Variants in CTSC observed in about 807,000 individuals in gnomAD.
CTSC encodes dipeptidyl peptidase 1.
A neutral mutation model predicts 40.9 loss-of-function variants in CTSC; 37 were observed. The ratio of observed to expected loss-of-function variants is 0.91; its 90% confidence interval spans 0.70 to 1.19. The LOEUF is 1.19. CTSC is among the 50% of genes most tolerant of loss of function. The probability of loss-of-function intolerance (pLI) is 0.00; values close to 1 mark genes in which losing one functional copy is unlikely to be tolerated. For synonymous variants in CTSC, 232 were observed against 207.4 expected (o/e 1.12, Z -1.02); for missense variants, 594 against 567.3 (o/e 1.05, Z -0.48).
At chr11:88,294,601 G>A in intron 6 of CTSC, 93 bp from the exon 7 acceptor site, 2 of 1,409,144 alleles carry the variant, frequency 1.4e-6, no homozygotes, top group Non-Finnish European at 2.0e-6. Flanking sequence ...TTCTTTGCAT[G>A]TTACCCCTGA....
At chr11:88,327,203 C>G (rs550739382) in intron 2 of CTSC, among the ~76,000 whole-genome samples, 15 of 152,326 alleles carry the variant, frequency 9.8e-5, no homozygotes, top group South Asian at 6.2e-4. Flanking sequence ...ATTGCTGAAG[C>G]TTAACAAGAT....
chr11:88,322,256 C>T (rs1308999189), intron 2 of CTSC: 1 of 152,154 alleles, frequency 6.6e-6, no homozygotes, highest in African/African-American at 2.4e-5. Flanking sequence ...TTAATTAGAT[C>T]TCATTTGCCA....
chr11:88,302,431 G>A (rs913673025), intron 4 of CTSC, among the ~76,000 whole-genome samples: 1 of 152,008 alleles, frequency 6.6e-6, no homozygotes, highest in Non-Finnish European at 1.5e-5. Flanking sequence ...AGACCATCCT[G>A]GCTAACACAG....
intron 2 of CTSC, among the ~76,000 whole-genome samples, chr11:88,312,757 T>A (rs781598041): frequency 7.2e-5 from 11 of 151,874 alleles, no homozygotes; most frequent in Non-Finnish European, 1.0e-4. Context: ...AAACAAAATG[T>A]ATATAACAAA....
Position 88,337,557 on chromosome 11 carries a change from C to A in CTSC, c.116G>T (p.Trp39Leu). ...ACCGCTGGAGCCCACCTGGAAGACCCAGGTGCCCAGCAGGTCAAGATAGGT... is the reference window on the plus strand; with the variant it reads ...ACCGCTGGAGCCCACCTGGAAGACCAAGGTGCCCAGCAGGTCAAGATAGGT... ...NCTYLDLLGTWVFQVGSSGSQ... is the reference protein window; with the variant it reads ...NCTYLDLLGTLVFQVGSSGSQ... Residue 39 changes from tryptophan (W) to leucine (L), a missense_variant, in exon 1 of 7, where the codon TGG (tryptophan) becomes TTG (leucine). By Grantham distance (61) the Trp-to-Leu change is moderately conservative (BLOSUM62 -2). Coordinates refer to ENST00000227266, the MANE Select transcript of CTSC (RefSeq NM_001814.6). 1 of 1,576,904 alleles carries A rather than the reference C, an allele frequency of 6.3e-7. No individual in the cohort carries two copies. The highest frequency in any genetic ancestry group is 2.3e-5 in the East Asian group (1 of 42,772).
At chr11:88,308,056 C>T (rs141828793) in intron 4 of CTSC, among the ~76,000 whole-genome samples, 46 of 152,228 alleles carry the variant, frequency 3.0e-4, no homozygotes, top group Non-Finnish European at 5.3e-4. Context: ...GGAGAGGTAG[C>T]GACGAAAGAG....
chr11:88,336,398 G>A (rs988292219), intron 1 of CTSC, among the ~76,000 whole-genome samples: 3 of 151,810 alleles, frequency 2.0e-5, no homozygotes, highest in Admixed American at 6.6e-5. Context: ...TATTAGCCGG[G>A]CGTGGTGGCA....
At chr11:88,298,613 T>C (rs1319254111) in intron 5 of CTSC, 1 of 152,170 alleles carries the variant, frequency 6.6e-6, no homozygotes, top group Non-Finnish European at 1.5e-5. Flanking sequence ...ACTTACAGTA[T>C]AGAATACCAA....
intron 2 of CTSC, chr11:88,322,990 T>A (rs1011797542): frequency 6.6e-6 from 1 of 152,100 alleles, no homozygotes; most frequent in South Asian, 2.1e-4. Context: ...CAGTCCAATA[T>A]CCCTGATGAA....
At chr11:88,310,180 C>CTT (rs11337017) in intron 3 of CTSC, among the ~76,000 whole-genome samples, 1,926 of 142,170 alleles carry the variant, frequency 0.014, 36 homozygotes, top group African/African-American at 0.04. Context: ...TCAGAATCTC[C>CTT]TTTTTTTTTT....
chr11:88,308,868 C>T (rs530049582), intron 4 of CTSC, among the ~76,000 whole-genome samples: 10 of 152,204 alleles, frequency 6.6e-5, no homozygotes, highest in Admixed American at 1.3e-4. Context: ...AGGTGGTTAC[C>T]GGCAGGAGGC....
chr11:88,295,514 G>C (rs1245656427), intron 6 of CTSC, among the ~76,000 whole-genome samples: 1 of 151,638 alleles, frequency 6.6e-6, no homozygotes, highest in African/African-American at 2.4e-5. Context: ...TGAATAGCTG[G>C]GACTACAAGC....
chr11:88,334,769 T>C (rs781175061), intron 2 of CTSC, 168 bp downstream of exon 2: 3 of 599,222 alleles, frequency 5.0e-6, no homozygotes, highest in African/African-American at 1.9e-5. Flanking sequence ...AATCATAATT[T>C]TAAATAAAGT....
At chr11:88,305,787 C>T (rs1937625660) in intron 4 of CTSC, among the ~76,000 whole-genome samples, 1 of 152,190 alleles carries the variant, frequency 6.6e-6, no homozygotes, top group Non-Finnish European at 1.5e-5. Flanking sequence ...CCTTCATAAA[C>T]CCAGCCCTTG....
chr11:88,309,184 C>G lies in CTSC; in HGVS notation c.620G>C (p.Gly207Ala). 2 of 1,613,922 alleles carry G rather than the reference C, an allele frequency of 1.2e-6. No homozygotes were observed. Among genetic ancestry groups the G allele is most frequent in the Non-Finnish European group, 1.7e-6 (2 of 1,179,892 alleles). Reference sequence around the variant, plus strand: ...TTACCTTGGGATTTTTCGACTGTGGCCACCACTTCTCCTAATCATATCTCC... The same window carrying G: ...TTACCTTGGGATTTTTCGACTGTGGGCACCACTTCTCCTAATCATATCTCC... ...TLGDMIRRSG[G>A]HSRKIPRPKP... The change falls in exon 4 of 7, where the codon GGC (glycine) becomes GCC (alanine). Residue 207 changes from glycine to alanine, a missense_variant. Gly to Ala is a moderately conservative substitution (Grantham distance 60, BLOSUM62 0). Transcript: ENST00000227266.
At chr11:88,310,692 A>C (rs1937735269) in intron 3 of CTSC, among the ~76,000 whole-genome samples, 1 of 152,216 alleles carries the variant, frequency 6.6e-6, no homozygotes, top group Admixed American at 6.5e-5. Flanking sequence ...TGAAAAACCC[A>C]GAGACGTACC....
intron 2 of CTSC, among the ~76,000 whole-genome samples, chr11:88,318,682 G>A (rs930709250): frequency 6.6e-6 from 1 of 152,208 alleles, no homozygotes; most frequent in Non-Finnish European, 1.5e-5. Flanking sequence ...GAGGCGGGTG[G>A]ATCACCTGAA....
chr11:88,306,666 C>T (rs1056679470), intron 4 of CTSC, among the ~76,000 whole-genome samples: 4 of 152,164 alleles, frequency 2.6e-5, no homozygotes, highest in East Asian at 1.9e-4. Context: ...AGTCGTCTCG[C>T]GGAGAGCCAC....
chr11:88,326,478 CA>C, intron 2 of CTSC: 1 of 1,331,082 alleles, frequency 7.5e-7, no homozygotes, highest in Non-Finnish European at 1.1e-6. Context: ...TACAAGCCAA[CA>C]AGGATCATAT....
Sources: allele counts gnomAD v4.1 joint callset (sites outside exome capture counted in the v4.1 genomes callset), GRCh38; gene constraint gnomAD v4.1.1; transcripts MANE v1.5; gene names NCBI Gene and HGNC (gene_info 2026-07-23, HGNC 2026-07-21).